The following ARHGAP42 variants were observed in gnomAD, a reference collection of about 807,000 sequenced individuals.
ARHGAP42 encodes the protein rho GTPase-activating protein 42.
A neutral mutation model predicts 125.0 loss-of-function variants in ARHGAP42; 63 were observed. The observed-to-expected ratio is 0.50, with a 90% CI of 0.41 to 0.62. The LOEUF is 0.62. Among genes scored for constraint, ARHGAP42 ranks in the 20% least tolerant of loss-of-function variants. ARHGAP42 has a pLI of 0.00. For synonymous variants in ARHGAP42, 339 were observed against 351.0 expected, an observed-to-expected ratio of 0.97 and a Z score of 0.38; for missense variants, 766 against 1,024.2, an observed-to-expected ratio of 0.75 and a Z score of 3.44.
At chr11:100,735,360 G>C (rs1342313853) in intron 1 of ARHGAP42, among the ~76,000 whole-genome samples, 2 of 152,054 alleles carry the variant, frequency 1.3e-5, no homozygotes, top group Non-Finnish European at 2.9e-5. Context: ...GGCTTGCTTT[G>C]TGATGGAAGA....
At chr11:100,895,149 T>C (rs1215856541) in intron 4 of ARHGAP42, among the ~76,000 whole-genome samples, 1 of 152,218 alleles carries the variant, frequency 6.6e-6, no homozygotes, top group Non-Finnish European at 1.5e-5. Flanking sequence ...AAGTGTGCAG[T>C]GTAATATAAC....
chr11:100,988,043 G>A lies in ARHGAP42; in HGVS notation c.2536+451G>A, dbSNP rs182065929. ...CTCTGGAGGCTGAGGCAGGAGAATG[G>A]CTTGAACCAGGGAGGCGGAGGTTGC... is the stretch of plus-strand genomic sequence containing the variant. On this transcript the variant is annotated intron_variant, in intron 23 of 23. Coordinates refer to ENST00000298815, the MANE Select transcript of ARHGAP42 (RefSeq NM_152432.4). Among the ~76,000 whole-genome samples the A allele has an allele frequency of 2.5e-3, 376 of 152,210 alleles. 1 individual carries two copies. Among genetic ancestry groups the A allele is most frequent in the African/African-American group, 8.7e-3 (360 of 41,546 alleles).
intron 6 of ARHGAP42, among the ~76,000 whole-genome samples, chr11:100,930,350 T>TA (rs1353046982): frequency 1.1e-4 from 17 of 152,308 alleles, no homozygotes; most frequent in Non-Finnish European, 2.1e-4. Flanking sequence ...TTCAAACCGA[T>TA]AAAAACGTTT....
intron 1 of ARHGAP42, among the ~76,000 whole-genome samples, chr11:100,732,974 T>A (rs1861986949): frequency 6.6e-6 from 1 of 152,252 alleles, no homozygotes; most frequent in Non-Finnish European, 1.5e-5. Context: ...TGAGTCAGAT[T>A]AACTTGTTAA....
intron 1 of ARHGAP42, among the ~76,000 whole-genome samples, chr11:100,719,461 A>G (rs1861721402): frequency 6.6e-6 from 1 of 152,166 alleles, no homozygotes; most frequent in African/African-American, 2.4e-5. Context: ...TTAAGTGATC[A>G]AGTCCGGTAG....
chr11:100,750,827 A>T (rs879552491), intron 1 of ARHGAP42, among the ~76,000 whole-genome samples: 5 of 152,106 alleles, frequency 3.3e-5, no homozygotes, highest in Non-Finnish European at 7.3e-5. Flanking sequence ...ACATACTGAC[A>T]TATTGATTCT....
intron 5 of ARHGAP42, 33 bp downstream of exon 5, chr11:100,913,586 CA>C: frequency 8.7e-7 from 1 of 1,152,790 alleles, no homozygotes; most frequent in Non-Finnish European, 1.1e-6. Context: ...ATGGAAAAGG[CA>C]TTAAGTCATA....
intron 12 of ARHGAP42, among the ~76,000 whole-genome samples, chr11:100,950,737 T>G (rs2135284702): frequency 6.6e-6 from 1 of 152,292 alleles, no homozygotes; most frequent in East Asian, 1.9e-4. Context: ...TTAAAATTAA[T>G]TTGTGTATTT....
intron 10 of ARHGAP42, among the ~76,000 whole-genome samples, chr11:100,945,163 T>G (rs1867983444): frequency 6.6e-6 from 1 of 152,086 alleles, no homozygotes; most frequent in Non-Finnish European, 1.5e-5. Flanking sequence ...TGCCCATCCA[T>G]AAGAAGCAAC....
intron 1 of ARHGAP42, among the ~76,000 whole-genome samples, chr11:100,693,348 T>C (rs983860781): frequency 2.0e-5 from 3 of 152,182 alleles, no homozygotes; most frequent in African/African-American, 7.2e-5. Context: ...CAGAAGTAAT[T>C]GCATCTTTCA....
chr11:100,985,664 G>A (rs551519929), intron 22 of ARHGAP42, among the ~76,000 whole-genome samples: 7 of 152,282 alleles, frequency 4.6e-5, no homozygotes, highest in South Asian at 2.1e-4. Context: ...TCACTGGGAC[G>A]TTGTGCTGTG....
At chr11:100,745,406 G>A (rs536487735) in intron 1 of ARHGAP42, among the ~76,000 whole-genome samples, 27 of 152,226 alleles carry the variant, frequency 1.8e-4, no homozygotes, top group East Asian at 7.7e-4. Context: ...AGTAAGTGCC[G>A]TTTTTATGAG....
intron 4 of ARHGAP42, among the ~76,000 whole-genome samples, chr11:100,890,673 C>G (rs1177194055): frequency 6.6e-6 from 1 of 152,102 alleles, no homozygotes; most frequent in Non-Finnish European, 1.5e-5. Context: ...AATTATAAGG[C>G]AGATTAATGT....
chr11:100,945,233 C>T (rs1435057686), intron 10 of ARHGAP42, among the ~76,000 whole-genome samples: 1 of 152,010 alleles, frequency 6.6e-6, no homozygotes, highest in Non-Finnish European at 1.5e-5. Context: ...CTAGAAGGCT[C>T]CACTTCTAAT....
chr11:100,806,565 A>G (rs1335231013), intron 3 of ARHGAP42, among the ~76,000 whole-genome samples: 3 of 149,904 alleles, frequency 2.0e-5, no homozygotes, highest in African/African-American at 7.4e-5. Context: ...CCTCCATAGC[A>G]ACATTCTTCT....
intron 6 of ARHGAP42, among the ~76,000 whole-genome samples, chr11:100,927,511 T>C (rs1024710929): frequency 2.6e-5 from 4 of 152,142 alleles, no homozygotes; most frequent in South Asian, 4.1e-4. Context: ...TTATTGAAAA[T>C]TAGAAATTTG....
chr11:100,819,023 C>A (rs1027628959), intron 3 of ARHGAP42, among the ~76,000 whole-genome samples: 1 of 152,054 alleles, frequency 6.6e-6, no homozygotes, highest in African/African-American at 2.4e-5. Context: ...GGCTAAGGAG[C>A]TGGACATAAT....
At chr11:100,950,928 C>T (rs751450478) in intron 12 of ARHGAP42, among the ~76,000 whole-genome samples, 2 of 151,654 alleles carry the variant, frequency 1.3e-5, no homozygotes, top group Non-Finnish European at 2.9e-5. Flanking sequence ...GTTGTCCAGC[C>T]TGGTCTCTAA....
chr11:100,788,651 T>C (rs1863491452), intron 2 of ARHGAP42, among the ~76,000 whole-genome samples: 1 of 152,162 alleles, frequency 6.6e-6, no homozygotes, highest in Non-Finnish European at 1.5e-5. Context: ...ATAAAACCAA[T>C]ATTGCAGAGT....
Sources: gnomAD v4.1 joint callset for allele counts (sites outside exome capture counted in the v4.1 genomes callset) on GRCh38, gnomAD v4.1.1 for gene constraint, MANE v1.5 for transcripts, NCBI Gene and HGNC (gene_info 2026-07-23, HGNC 2026-07-21) for gene names.